DLG2: variants seen among roughly 807,000 people sequenced by gnomAD.
DLG2 encodes the protein disks large homolog 2.
Under a neutral mutation model 132.5 loss-of-function variants are expected in DLG2, and 45 were observed. The ratio of observed to expected loss-of-function variants is 0.34; its 90% CI spans 0.27 to 0.44. DLG2 has a LOEUF of 0.44. Among genes scored for constraint, DLG2 ranks in the 20% least tolerant of loss-of-function variants. The pLI, the probability that DLG2 is intolerant of heterozygous loss-of-function variation, is 1.00. For synonymous variants in DLG2, 424 were observed against 419.6 expected (o/e 1.01, Z -0.13); for missense variants, 1,045 against 1,196.9 (o/e 0.87, Z 1.87).
intron 6 of DLG2, among the ~76,000 whole-genome samples, chr11:85,054,862 G>T (rs1195587022): frequency 6.6e-6 from 1 of 152,146 alleles, no homozygotes; most frequent in Non-Finnish European, 1.5e-5. Context: ...AGGACTACTA[G>T]ACAGGGAGCA....
intron 19 of DLG2, among the ~76,000 whole-genome samples, chr11:83,568,150 G>A (rs1171752921): frequency 2.0e-5 from 3 of 152,136 alleles, no homozygotes; most frequent in Non-Finnish European, 2.9e-5. Flanking sequence ...GAGGACGCAA[G>A]TAATGATGAG....
chr11:85,310,833 T>G (rs2080268392), intron 3 of DLG2, among the ~76,000 whole-genome samples: 1 of 152,214 alleles, frequency 6.6e-6, no homozygotes, highest in South Asian at 2.1e-4. Flanking sequence ...AGCAAGCACT[T>G]CTTTCCTCTT....
intron 9 of DLG2, among the ~76,000 whole-genome samples, chr11:84,112,709 A>G (rs75491347): frequency 0.013 from 1,934 of 152,304 alleles, 24 homozygotes; most frequent in Non-Finnish European, 0.022. Flanking sequence ...TTCTGACTTA[A>G]CAAGACTTTA....
chr11:84,270,698 G>C (rs975888412), intron 7 of DLG2, among the ~76,000 whole-genome samples: 13 of 152,184 alleles, frequency 8.5e-5, no homozygotes, highest in African/African-American at 2.9e-4. Context: ...CGATGCGTTA[G>C]GAATCCACAC....
At chr11:85,329,106 C>G (rs1355639275) in intron 3 of DLG2, among the ~76,000 whole-genome samples, 1 of 54,936 alleles carries the variant, frequency 1.8e-5, no homozygotes, top group Non-Finnish European at 3.5e-5. Flanking sequence ...CTACAAACCA[C>G]TGCTCAAGGA....
At chr11:84,776,369 C>A (rs1046178062) in intron 6 of DLG2, among the ~76,000 whole-genome samples, 1 of 152,110 alleles carries the variant, frequency 6.6e-6, no homozygotes, top group African/African-American at 2.4e-5. Context: ...GTTGCCCAGG[C>A]TGGTCTTGAA....
At chr11:85,614,892 T>C (rs187159938) in intron 2 of DLG2, among the ~76,000 whole-genome samples, 128 of 152,340 alleles carry the variant, frequency 8.4e-4, no homozygotes, top group African/African-American at 2.9e-3. Flanking sequence ...ATGCAAATGC[T>C]GATCTATCTG....
At chr11:84,519,856 T>C (rs1368734887) in intron 7 of DLG2, among the ~76,000 whole-genome samples, 14 of 152,206 alleles carry the variant, frequency 9.2e-5, no homozygotes, top group African/African-American at 2.9e-4. Flanking sequence ...AGGAAGTCCA[T>C]AGATGCCCTT....
chr11:85,551,311 A>G (rs1250086854), intron 3 of DLG2, among the ~76,000 whole-genome samples: 1 of 152,214 alleles, frequency 6.6e-6, no homozygotes, highest in East Asian at 1.9e-4. Context: ...ATGAATATAT[A>G]ATCAGCAATA....
chr11:85,180,988 A>AT (rs1377659900), intron 4 of DLG2, among the ~76,000 whole-genome samples: 2 of 151,760 alleles, frequency 1.3e-5, no homozygotes, highest in Middle Eastern at 3.2e-3. Flanking sequence ...CAAATAGACA[A>AT]TTTTTTAATT....
chr11:84,770,985 A>G (rs977870991), intron 6 of DLG2, among the ~76,000 whole-genome samples: 25 of 152,032 alleles, frequency 1.6e-4, no homozygotes, highest in African/African-American at 6.0e-4. Context: ...CTAGTATTCC[A>G]TGGTGTATAC....
intron 6 of DLG2, among the ~76,000 whole-genome samples, chr11:84,731,454 T>C (rs1161701316): frequency 1.3e-5 from 2 of 151,756 alleles, no homozygotes; most frequent in African/African-American, 2.4e-5. Flanking sequence ...CATCTAAAAA[T>C]GGAGGTAGGA....
intron 4 of DLG2, among the ~76,000 whole-genome samples, chr11:85,252,042 A>G (rs1000763417): frequency 3.9e-5 from 6 of 152,222 alleles, no homozygotes; most frequent in African/African-American, 1.4e-4. Flanking sequence ...TTAATGAAGG[A>G]GTTTCCTCAG....
intron 16 of DLG2, among the ~76,000 whole-genome samples, chr11:83,853,946 T>A (rs190589143): frequency 8.5e-5 from 13 of 152,278 alleles, no homozygotes; most frequent in Middle Eastern, 3.4e-3. Flanking sequence ...AAACTGTCTT[T>A]GTTCACAGAT....
At chr11:83,957,528 C>T (rs1463384214) in intron 14 of DLG2, among the ~76,000 whole-genome samples, 2 of 149,362 alleles carry the variant, frequency 1.3e-5, no homozygotes, top group African/African-American at 4.9e-5. Context: ...TTCCAGTGGT[C>T]TCTCTACTCC....
At chr11:84,967,620 G>A (rs186696999) in intron 6 of DLG2, among the ~76,000 whole-genome samples, 3 of 152,186 alleles carry the variant, frequency 2.0e-5, no homozygotes, top group Non-Finnish European at 1.5e-5. Flanking sequence ...CTCATGATGT[G>A]GCAAATGACC....
At chr11:84,168,929 T>C (rs1409549213) in intron 8 of DLG2, among the ~76,000 whole-genome samples, 1 of 152,126 alleles carries the variant, frequency 6.6e-6, no homozygotes, top group African/African-American at 2.4e-5. Context: ...GAGTATCTCT[T>C]ATAGTAAATA....
intron 8 of DLG2, among the ~76,000 whole-genome samples, chr11:84,211,235 C>T (rs1004545531): frequency 6.6e-6 from 1 of 152,164 alleles, no homozygotes; most frequent in Admixed American, 6.5e-5. Context: ...TTCTGTATTG[C>T]TGTATTCCTC....
intron 6 of DLG2, chr11:84,762,007 T>C (rs1186769692): frequency 1.3e-5 from 2 of 152,154 alleles, no homozygotes; most frequent in African/African-American, 4.8e-5. Context: ...CATTCACATG[T>C]ATATTTATAT....
Sources: allele counts gnomAD v4.1 joint callset (sites outside exome capture counted in the v4.1 genomes callset), GRCh38; gene constraint gnomAD v4.1.1; transcripts MANE v1.5; gene names NCBI Gene and HGNC (gene_info 2026-07-23, HGNC 2026-07-21).